Variants in GALNT13 observed in about 807,000 individuals in gnomAD.
The protein encoded by GALNT13 is UDP-GalNAc:polypeptide N-acetylgalactosaminyltransferase 13.
In GALNT13, 28 loss-of-function variants were observed where a neutral mutation model predicts 64.2. The observed-to-expected ratio is 0.44, with a 90% confidence interval of 0.32 to 0.60. GALNT13 has a LOEUF of 0.60. Ranked by LOEUF, GALNT13 falls within the 20% of genes least tolerant of loss-of-function variation. The pLI is 0.05. For missense variants in GALNT13, 577 were observed against 669.8 expected (o/e 0.86, Z 1.53); for synonymous variants, 214 against 224.6 (o/e 0.95, Z 0.42).
chr2:154,043,453 T>TACAC (rs1451883209), intron 3 of GALNT13, among the ~76,000 whole-genome samples: 466 of 93,680 alleles, frequency 5.0e-3, no homozygotes, highest in African/African-American at 0.018. Flanking sequence ...TATATATATA[T>TACAC]ATACACACAT....
chr2:154,348,067 C>T (rs1309015736), intron 9 of GALNT13, among the ~76,000 whole-genome samples: 1 of 152,160 alleles, frequency 6.6e-6, no homozygotes, highest in Non-Finnish European at 1.5e-5. Flanking sequence ...CATGCTTTAT[C>T]TTATTTGAGA....
chr2:153,558,519 G>GTGGTTTATAAA, the GALNT13 span, among the ~76,000 whole-genome samples: 243 of 152,130 alleles, frequency 1.6e-3, no homozygotes, highest in Middle Eastern at 3.4e-3. Flanking sequence ...TTATAACAGT[G>GTGGTTTATAAA]GTTTGTACTT....
chr2:154,044,224 T>G lies in GALNT13; in HGVS notation c.143-96113T>G, dbSNP rs552690864. Among the ~76,000 whole-genome samples, 147 of 152,202 alleles carry G rather than the reference T, an allele frequency of 9.7e-4. 2 individuals carry two copies. Among genetic ancestry groups the G allele is most frequent in the Non-Finnish European group, 8.7e-4 (59 of 68,010 alleles). On this transcript the variant is annotated intron_variant, in intron 3 of 12. Transcript: ENST00000392825. ...AAGTGAATGGGAGAGAGGCTAGTAATCAAAGGCATGAAGCCCAAGCCATAG... is the reference window on the plus strand; with the variant it reads ...AAGTGAATGGGAGAGAGGCTAGTAAGCAAAGGCATGAAGCCCAAGCCATAG...
chr2:153,236,754 G>GT, the GALNT13 span, among the ~76,000 whole-genome samples: 1 of 152,108 alleles, frequency 6.6e-6, no homozygotes, highest in South Asian at 2.1e-4. Flanking sequence ...AGATCAATGT[G>GT]TTTCTTGTCT....
Position 154,242,275 on chromosome 2 carries a change from A to G in GALNT13, c.478+79A>G, listed in dbSNP as rs1218141049. 6.5e-6 allele frequency: 8 copies of G among 1,230,266 alleles called. No individual in the cohort carries two copies. The African/African-American group carries it at 9.1e-5, about 14-fold the overall frequency. The allele number at this position is 1,230,266 out of a possible 1,614,324, so 76.2% of individuals were successfully genotyped here. A position where few individuals can be genotyped will look rare whatever the true frequency, so the allele number is the denominator to read the frequency against. On this transcript the variant is annotated intron_variant, in intron 5 of 12. Coordinates refer to ENST00000392825, the MANE Select transcript of GALNT13 (RefSeq NM_052917.4). ...TTTTTTTGTATTAGAAAGCTTTATT[A>G]TGGCCAAAAAGATAACTAGGCAATG... is the stretch of plus-strand genomic sequence containing the variant.
the GALNT13 span, among the ~76,000 whole-genome samples, chr2:153,579,279 AT>A: frequency 4.0e-5 from 6 of 150,412 alleles, no homozygotes; most frequent in East Asian, 2.0e-4. Context: ...GACATGGCAG[AT>A]TTTTTTTTTC....
intron 9 of GALNT13, among the ~76,000 whole-genome samples, chr2:154,382,855 T>A (rs1698339353): frequency 6.6e-6 from 1 of 151,954 alleles, no homozygotes; most frequent in Non-Finnish European, 1.5e-5. Flanking sequence ...ACTGTGGTTA[T>A]GGAATTTGTG....
At chr2:153,991,753 A>G (rs1398168729) in intron 3 of GALNT13, among the ~76,000 whole-genome samples, 1 of 152,152 alleles carries the variant, frequency 6.6e-6, no homozygotes, top group Non-Finnish European at 1.5e-5. Context: ...CATTTCTGCC[A>G]TTACTGGTTG....
chr2:153,824,093 C>A, the GALNT13 span, among the ~76,000 whole-genome samples: 2 of 152,088 alleles, frequency 1.3e-5, no homozygotes, highest in African/African-American at 4.8e-5. Context: ...GTCAGAACGG[C>A]TGTTATTAAA....
the GALNT13 span, among the ~76,000 whole-genome samples, chr2:153,784,407 G>A: frequency 6.6e-6 from 1 of 152,196 alleles, no homozygotes; most frequent in Non-Finnish European, 1.5e-5. Flanking sequence ...AAACTTCTAA[G>A]CGGCAAAGCA....
chr2:153,621,617 A>G, the GALNT13 span, among the ~76,000 whole-genome samples: 1 of 152,116 alleles, frequency 6.6e-6, no homozygotes, highest in African/African-American at 2.4e-5. Context: ...TTATAAGTCT[A>G]TTTGGTATTC....
intron 3 of GALNT13, among the ~76,000 whole-genome samples, chr2:154,070,368 G>A (rs1430577282): frequency 6.6e-6 from 1 of 152,072 alleles, no homozygotes; most frequent in Non-Finnish European, 1.5e-5. Flanking sequence ...ACTGTCATAT[G>A]GTTCCATGTA....
At chr2:153,210,010 A>G in the GALNT13 span, among the ~76,000 whole-genome samples, 93 of 152,282 alleles carry the variant, frequency 6.1e-4, 1 homozygote, top group African/African-American at 2.1e-3. Flanking sequence ...GATTTAATAA[A>G]TAAATATTGG....
At chr2:153,918,362 G>T (rs1689532963) in intron 2 of GALNT13, among the ~76,000 whole-genome samples, 1 of 152,106 alleles carries the variant, frequency 6.6e-6, no homozygotes, top group Admixed American at 6.6e-5. Flanking sequence ...GGATGACAAA[G>T]TCAAGTAAGC....
At chr2:153,329,549 A>G in the GALNT13 span, among the ~76,000 whole-genome samples, 3 of 151,962 alleles carry the variant, frequency 2.0e-5, no homozygotes, top group African/African-American at 4.8e-5. Context: ...ATTTTTTCAT[A>G]TGTCTGTTGG....
intron 3 of GALNT13, among the ~76,000 whole-genome samples, chr2:154,072,411 A>G (rs1484873202): frequency 2.0e-5 from 3 of 152,102 alleles, no homozygotes; most frequent in Non-Finnish European, 2.9e-5. Context: ...GATGGAACAC[A>G]TTTATGTTTA....
the GALNT13 span, among the ~76,000 whole-genome samples, chr2:153,110,606 T>C: frequency 6.6e-6 from 1 of 152,116 alleles, no homozygotes; most frequent in Non-Finnish European, 1.5e-5. Flanking sequence ...TGTGTGATCT[T>C]AGGCAGGAGA....
intron 3 of GALNT13, among the ~76,000 whole-genome samples, chr2:153,993,322 AAAG>A (rs1695288704): frequency 7.0e-6 from 1 of 142,950 alleles, no homozygotes; most frequent in Non-Finnish European, 1.6e-5. Context: ...AAAGTGGAAT[AAAG>A]TAGTAGTAGT....
the GALNT13 span, among the ~76,000 whole-genome samples, chr2:153,697,848 T>A: frequency 6.6e-6 from 1 of 152,214 alleles, no homozygotes; most frequent in Non-Finnish European, 1.5e-5. Context: ...TTTGCCACTC[T>A]GGCATTGAGA....
Sources: gnomAD v4.1 joint callset for allele counts (sites outside exome capture counted in the v4.1 genomes callset) on GRCh38, gnomAD v4.1.1 for gene constraint, MANE v1.5 for transcripts, NCBI Gene and HGNC (gene_info 2026-07-23, HGNC 2026-07-21) for gene names.